The following CRHR2 variants were observed in gnomAD, a reference collection of about 807,000 sequenced individuals.
CRHR2 encodes corticotropin releasing hormone receptor 2.
Under a neutral mutation model 57.9 loss-of-function variants are expected in CRHR2, and 53 were observed. The ratio of observed to expected loss-of-function variants is 0.92; its 90% CI spans 0.73 to 1.15. The LOEUF is 1.15. Among genes scored for constraint, CRHR2 ranks in the 50% most tolerant of loss-of-function variants. The pLI, the probability that CRHR2 is intolerant of heterozygous loss-of-function variation, is 0.00. For synonymous variants in CRHR2, 213 were observed against 220.9 expected (o/e 0.96, Z 0.32); for missense variants, 532 against 542.6 (o/e 0.98, Z 0.19).
At chr7:30,666,815 C>A (rs1371709046) in intron 3 of CRHR2, among the ~76,000 whole-genome samples, 1 of 152,206 alleles carries the variant, frequency 6.6e-6, no homozygotes, top group African/African-American at 2.4e-5. Context: ...GACCCAGCTT[C>A]TCATGGGGAC....
At chr7:30,696,357 G>A (rs1206511888) in intron 1 of CRHR2, among the ~76,000 whole-genome samples, 1 of 152,148 alleles carries the variant, frequency 6.6e-6, no homozygotes, top group Non-Finnish European at 1.5e-5. Flanking sequence ...TCTACACATT[G>A]CATGCCTGTA....
At chr7:30,673,006 A>G (rs1562802236) in intron 2 of CRHR2, among the ~76,000 whole-genome samples, 1 of 152,328 alleles carries the variant, frequency 6.6e-6, no homozygotes, top group East Asian at 1.9e-4. Flanking sequence ...GTGTTTCAGC[A>G]GATGCAGCCA....
In CRHR2 at chr7:30,662,561, T is replaced by A. The variant is rs576491356; in HGVS notation, c.697+133A>T. 1.9e-4 allele frequency: 202 copies of A among 1,059,280 alleles called. 4 individuals carry two copies. In the South Asian group the frequency reaches 3.0e-3, roughly 16 times the overall value. The allele number at this position is 1,059,280 out of a possible 1,614,324, so 65.6% of individuals were successfully genotyped here. On this transcript the variant is annotated intron_variant, in intron 6 of 11. Transcript: ENST00000471646. The stretch of plus-strand genomic sequence containing the variant: ...TGTTCCTCACCAGCATGGAGGGAAG[T>A]AGCTGCATCCACCGGACTGCGCTGG...
chr7:30,682,859 C>T (rs1362010204), upstream of CRHR2, among the ~76,000 whole-genome samples: 1 of 152,248 alleles, frequency 6.6e-6, no homozygotes. Context: ...AGCGAGGACA[C>T]TGGAGGGAGG....
At position 30,682,161 on chromosome 7, in the gene CRHR2, G is replaced by A. The variant is rs1471167130; in HGVS notation, c.103+17C>T. 3 of 1,549,370 alleles carry A rather than the reference G, an allele frequency of 1.9e-6. No homozygotes were observed. The highest frequency in any genetic ancestry group is 2.8e-5 in the African/African-American group (2 of 71,866). On this transcript the variant is annotated intron_variant, in intron 1 of 11. Transcript: ENST00000471646. The stretch of plus-strand genomic sequence containing the variant: ...GAAGGAGCCCGCGCAGCCTCCGACC[G>A]CTCGCCTCCCGCCTACCCTCGGGGT...
At chr7:30,691,498 C>G (rs1021451147) in intron 1 of CRHR2, among the ~76,000 whole-genome samples, 3 of 152,210 alleles carry the variant, frequency 2.0e-5, no homozygotes, top group Non-Finnish European at 4.4e-5. Flanking sequence ...GCATCCTCCC[C>G]CAGGACTCAG....
intron 1 of CRHR2, among the ~76,000 whole-genome samples, chr7:30,693,562 G>A (rs1028180785): frequency 3.3e-5 from 5 of 152,194 alleles, no homozygotes; most frequent in Admixed American, 2.6e-4. Context: ...AAATAAACCT[G>A]TAAATAGAAA....
intron 2 of CRHR2, among the ~76,000 whole-genome samples, 176 bp downstream of exon 2, chr7:30,681,738 TG>T (rs928366569): frequency 1.3e-5 from 2 of 152,110 alleles, no homozygotes; most frequent in Admixed American, 1.3e-4. Context: ...GACGCTGTAT[TG>T]GGGGTAGAAG....
chr7:30,667,085 C>G lies in CRHR2; in HGVS notation c.315+143G>C. ...CAGTGTCACTAAGCACAGGGCAGGA[C>G]ACTGGGGGCAGGGGCAGGAGGTACA... is the stretch of plus-strand genomic sequence containing the variant. On this transcript the variant is annotated intron_variant, in intron 3 of 11. Transcript: ENST00000471646. The G allele has an allele frequency of 7.2e-6, 5 of 691,530 alleles. No homozygotes were observed. The South Asian group carries it at 8.8e-5, about 12-fold the overall frequency. 42.8% of individuals were successfully genotyped at this position (691,530 alleles called of 1,614,324 possible). A position where few individuals can be genotyped will look rare whatever the true frequency, so the allele number is the denominator to read the frequency against.
chr7:30,694,661 A>G (rs1381897012), intron 1 of CRHR2, among the ~76,000 whole-genome samples: 1 of 152,132 alleles, frequency 6.6e-6, no homozygotes, highest in Non-Finnish European at 1.5e-5. Context: ...AGAAGGACTC[A>G]GCTGGGAGGG....
At position 30,656,970 on chromosome 7, in the gene CRHR2, G is replaced by A. The variant is rs1304464116; in HGVS notation, c.832-958C>T. On this transcript the variant is annotated intron_variant, in intron 8 of 11. Coordinates refer to ENST00000471646, the MANE Select transcript of CRHR2 (RefSeq NM_001883.5). This position sits in a 1 kb window ranked among gnomAD's most constrained non-coding sequence, Gnocchi z 4.4. Reference sequence around the variant, plus strand: ...GAGCATAGGCAGGCAGGCAGGCAAGGGAGTGTGTGTCGGCCTGACACAGTG... The same window carrying A: ...GAGCATAGGCAGGCAGGCAGGCAAGAGAGTGTGTGTCGGCCTGACACAGTG... 2.0e-5 allele frequency among the ~76,000 whole-genome samples: 3 copies of A among 152,100 alleles called. No individual in the cohort carries two copies. Among genetic ancestry groups the A allele is most frequent in the African/African-American group, 7.2e-5 (3 of 41,406 alleles).
rs767418205 is a variant in CRHR2, at chr7:30,667,297, T to C, written c.246A>G (p.Glu82=). 1.2e-5 allele frequency: 19 copies of C among 1,614,174 alleles called. No individual in the cohort carries two copies. Among genetic ancestry groups the C allele is most frequent in the Non-Finnish European group, 1.6e-5 (19 of 1,180,032 alleles). The part of the protein sequence containing the change: ...KYNTTRNAYR[E]CLENGTWASK... Reference sequence around the variant, plus strand: ...AGGCCCACGTCCCATTCTCCAAGCATTCTCGATAGGCATTCCCTACAAAAA... The same window carrying C: ...AGGCCCACGTCCCATTCTCCAAGCACTCTCGATAGGCATTCCCTACAAAAA... The change falls in exon 3 of 12, where the codon GAA becomes GAG. Residue 82 remains glutamate, a synonymous_variant. Coordinates refer to ENST00000471646, the MANE Select transcript of CRHR2 (RefSeq NM_001883.5).
At chr7:30,657,025 C>T (rs1467961774) in intron 8 of CRHR2, among the ~76,000 whole-genome samples, 4 of 151,894 alleles carry the variant, frequency 2.6e-5, no homozygotes, top group African/African-American at 9.7e-5. Context: ...TGCTCGTGGG[C>T]CAGAGGGAGA....
At chr7:30,678,973 G>A (rs12533248) in intron 2 of CRHR2, among the ~76,000 whole-genome samples, 73,314 of 151,962 alleles carry the variant, frequency 0.48, 20,427 homozygotes, top group Non-Finnish European at 0.63. Flanking sequence ...TCCAGATGGT[G>A]AAGCCCTGTA....
At chr7:30,691,049 G>A (rs1285509894) in intron 1 of CRHR2, among the ~76,000 whole-genome samples, 1 of 151,638 alleles carries the variant, frequency 6.6e-6, no homozygotes, top group Non-Finnish European at 1.5e-5. Flanking sequence ...CGGGCATCAG[G>A]AAGACCTTGC....
rs1783779887 is a variant in CRHR2, at chr7:30,656,087, C to T, written c.832-75G>A. 4 of 1,412,120 alleles carry T rather than the reference C, an allele frequency of 2.8e-6. No individual in the cohort carries two copies. The Admixed American group carries it at 5.0e-5, about 18-fold the overall frequency. 87.5% of individuals were successfully genotyped at this position (1,412,120 alleles called of 1,614,324 possible). ...TTGAGATGAGCCGAGAGGCAGCCCC[C>T]TTCCCCGCAGACCCCTGGAAACCGA... On this transcript the variant is annotated intron_variant, in intron 8 of 11. Coordinates refer to ENST00000471646, the MANE Select transcript of CRHR2 (RefSeq NM_001883.5). This position sits in a 1 kb window ranked among gnomAD's most constrained non-coding sequence, Gnocchi z 4.4.
rs778181721 is a variant in CRHR2 at position 30,662,184 on chromosome 7, T to C, written c.730A>G (p.Ile244Val). ...IPFPIIVAWA[I>V]GKLYYENEQC... Reference sequence around the variant, plus strand: ...TCATTCTCATAGTAGAGCTTGCCGATGGCCCAGGCGACGATGATGGGGAAG... The same window carrying C: ...TCATTCTCATAGTAGAGCTTGCCGACGGCCCAGGCGACGATGATGGGGAAG... Residue 244 changes from isoleucine (I) to valine (V), a missense_variant, in exon 7 of 12, where the codon ATC becomes GTC. Ile to Val is a conservative substitution (Grantham distance 29). Coordinates refer to ENST00000471646, the MANE Select transcript of CRHR2 (RefSeq NM_001883.5). The C allele has an allele frequency of 8.9e-5, 144 of 1,614,000 alleles. No individual in the cohort carries two copies. The highest frequency in any genetic ancestry group is 1.1e-4 in the Non-Finnish European group (134 of 1,180,022).
chr7:30,661,405 A>G (rs1469525827), intron 7 of CRHR2, among the ~76,000 whole-genome samples: 3 of 152,094 alleles, frequency 2.0e-5, no homozygotes, highest in African/African-American at 7.2e-5. Flanking sequence ...TTTGACAGGA[A>G]GCTCACCACC....
chr7:30,682,590 C>A (rs1332368511), upstream of CRHR2: 3 of 998,212 alleles, frequency 3.0e-6, no homozygotes, highest in African/African-American at 3.4e-5. Flanking sequence ...GCCCCCGGGC[C>A]CTCCACCCTG....
Sources: gnomAD v4.1 joint callset for allele counts (sites outside exome capture counted in the v4.1 genomes callset) on GRCh38, gnomAD v4.1.1 for gene constraint, Gnocchi (gnomAD v3.1) non-coding constraint, MANE v1.5 for transcripts, NCBI Gene and HGNC (gene_info 2026-07-23, HGNC 2026-07-21) for gene names.